The following LAMB3 variants were observed in gnomAD, a reference collection of about 807,000 sequenced individuals.
LAMB3 encodes the protein laminin subunit beta 3.
Under a neutral mutation model 140.3 loss-of-function variants are expected in LAMB3, and 104 were observed. That is an observed-to-expected ratio of 0.74 (90% CI 0.63 to 0.87). The LOEUF (loss-of-function observed/expected upper bound fraction) is 0.87. Ranked by LOEUF, LAMB3 falls within the 40% of genes least tolerant of loss-of-function variation. The pLI is 0.00. For missense variants in LAMB3, 1,531 were observed against 1,575.2 expected (o/e 0.97, Z 0.47); for synonymous variants, 592 against 602.9 (o/e 0.98, Z 0.26).
At chr1:209,646,737 G>T (rs890953026) in intron 3 of LAMB3, among the ~76,000 whole-genome samples, 2 of 152,246 alleles carry the variant, frequency 1.3e-5, no homozygotes, top group African/African-American at 4.8e-5. Flanking sequence ...GAGGCAGGCA[G>T]GAGAGAAGGG....
At position 209,626,869 on chromosome 1, in the gene LAMB3, C is replaced by T. The variant is rs748803172; in HGVS notation, c.1595G>A (p.Arg532Gln). Residue 532 changes from arginine to glutamine, a missense_variant and splice_region_variant, in exon 13 of 23, where the codon CGA (arginine) becomes CAA (glutamine). Coordinates refer to ENST00000356082, the MANE Select transcript of LAMB3 (RefSeq NM_000228.3). ...TCCCCCAGGCTTTGAGCATGCACCT[C>T]GGCATCCTGTGGCCACGTCTCCATA... is the stretch of plus-strand genomic sequence containing the variant. Reference protein sequence around the residue: ...RTYGDVATGCRACDCDFRGTE... With the variant: ...RTYGDVATGCQACDCDFRGTE... 16 of 1,611,920 alleles carry T rather than the reference C, an allele frequency of 9.9e-6. No homozygotes were observed. The highest frequency in any genetic ancestry group is 2.2e-5 in the South Asian group (2 of 91,024).
rs1177719661 is a variant in LAMB3, at chr1:209,626,968, T to C, written c.1496A>G (p.Gln499Arg). The C allele has an allele frequency of 6.2e-7, 1 of 1,610,912 alleles. No homozygotes were observed. The change falls in exon 13 of 23, where the codon CAG becomes CGG. Residue 499 changes from glutamine to arginine, a missense_variant. By Grantham distance (43) the Gln-to-Arg change is conservative. Transcript: ENST00000356082. ...ACCAAAGCCTTCCCGACAGGGGCAC[T>C]GCCCTGTGAACTGCGTGGGGAGAGC... is the stretch of plus-strand genomic sequence containing the variant. Reference protein sequence around the residue: ...LSPQCNQFTGQCPCREGFGGL... With the variant: ...LSPQCNQFTGRCPCREGFGGL...
chr1:209,639,426 C>G (rs191224025), intron 3 of LAMB3, among the ~76,000 whole-genome samples: 33 of 152,274 alleles, frequency 2.2e-4, no homozygotes, highest in African/African-American at 5.5e-4. Context: ...TATTCCCTAC[C>G]TACAGGAGAG....
rs1666041608 is a variant in LAMB3 at position 209,617,989 on chromosome 1, C to G, written c.2969G>C (p.Gly990Ala). The G allele has an allele frequency of 1.4e-5, 23 of 1,614,168 alleles. No individual in the cohort carries two copies. Among genetic ancestry groups the G allele is most frequent in the Non-Finnish European group, 1.8e-5 (21 of 1,180,034 alleles). ...VEDVVGNLRQ[G>A]TVALQEAQDT... ...CTGAGCTTCCTGCAGTGCCACTGTC[C>G]CCTGCCGCAGGTTCCCAACCACATC... Residue 990 changes from glycine (G) to alanine (A), a missense_variant, in exon 20 of 23, where the codon GGG becomes GCG. Coordinates refer to ENST00000356082, the MANE Select transcript of LAMB3 (RefSeq NM_000228.3).
In LAMB3 at chr1:209,622,965, G is replaced by A. The variant is rs377707240; in HGVS notation, c.2556+17C>T. The A allele has an allele frequency of 3.6e-5, 58 of 1,611,702 alleles. No homozygotes were observed. Among genetic ancestry groups the A allele is most frequent in the African/African-American group, 2.3e-4 (17 of 74,922 alleles). On this transcript the variant is annotated intron_variant, in intron 17 of 22. Coordinates refer to ENST00000356082, the MANE Select transcript of LAMB3 (RefSeq NM_000228.3). ...GCCTCCTCCTACCTGTGCCCACCCC[G>A]CCTCGGCTGCACTTACCATCTGCCT...
intron 14 of LAMB3, among the ~76,000 whole-genome samples, chr1:209,625,074 C>T (rs1666380573): frequency 6.6e-6 from 1 of 152,184 alleles, no homozygotes; most frequent in Non-Finnish European, 1.5e-5. Context: ...AGTCACGGAG[C>T]CTCCATTTTC....
rs1558163550 is a variant in LAMB3, at chr1:209,638,547, C to T, written c.285G>A (p.Trp95Ter). ...VASSSGPMRW[W>*]QSQNDVNPVS... ...GCAAATGCTCACCATTCTGTGACTGCCACCAGCGCATGGGGCCGGAGGATG... is the reference window on the plus strand; with the variant it reads ...GCAAATGCTCACCATTCTGTGACTGTCACCAGCGCATGGGGCCGGAGGATG... Residue 95 changes from tryptophan (W) to a stop codon, truncating the protein, a stop_gained, in exon 4 of 23, where the codon TGG (tryptophan) becomes TGA (stop). Transcript: ENST00000356082. LOFTEE classifies it high-confidence loss of function. 3 of 1,609,966 alleles carry T rather than the reference C, an allele frequency of 1.9e-6. No homozygotes were observed. The highest frequency in any genetic ancestry group is 2.6e-6 in the Non-Finnish European group (3 of 1,176,236).
intron 14 of LAMB3, among the ~76,000 whole-genome samples, chr1:209,624,460 C>T (rs141771228): frequency 5.9e-5 from 9 of 152,354 alleles, no homozygotes; most frequent in Non-Finnish European, 1.2e-4. Context: ...CAGAGTCTAC[C>T]TCCCAGGCCC....
At chr1:209,618,684 G>A in intron 18 of LAMB3, 25 bp from the exon 19 acceptor site, 1 of 1,608,592 alleles carries the variant, frequency 6.2e-7, no homozygotes, top group Non-Finnish European at 8.5e-7. Context: ...GCATTTGACT[G>A]TAGGAGCCCA....
At position 209,615,332 on chromosome 1, in the gene LAMB3, C is replaced by A; in HGVS notation, c.3458G>T (p.Arg1153Leu). The A allele has an allele frequency of 6.2e-7, 1 of 1,614,036 alleles. No homozygotes were observed. The highest frequency in any genetic ancestry group is 1.1e-5 in the South Asian group (1 of 91,070). ...GATGTGGTCACGGATCTGCTCCACA[C>A]GCTTCTCCAGTCCTGTCAGGTCCGC... ...RSADLTGLEK[R>L]VEQIRDHING... The change falls in exon 23 of 23, where the codon CGT becomes CTT. Residue 1153 changes from arginine (R) to leucine (L), a missense_variant. Physicochemically the swap from Arg to Leu is moderately radical, Grantham distance 102 (BLOSUM62 -2). Coordinates refer to ENST00000356082, the MANE Select transcript of LAMB3 (RefSeq NM_000228.3).
intron 5 of LAMB3, among the ~76,000 whole-genome samples, 184 bp downstream of exon 5, chr1:209,637,724 A>G (rs1666936950): frequency 6.6e-6 from 1 of 152,204 alleles, no homozygotes; most frequent in Non-Finnish European, 1.5e-5. Context: ...TGCACGGCCA[A>G]GACAGGGAGC....
chr1:209,647,715 C>A (rs1419008611), intron 3 of LAMB3, among the ~76,000 whole-genome samples: 1 of 152,096 alleles, frequency 6.6e-6, no homozygotes, highest in Non-Finnish European at 1.5e-5. Flanking sequence ...GTCCAGTACA[C>A]CCCCTATCTC....
intron 1 of LAMB3, among the ~76,000 whole-genome samples, chr1:209,652,002 G>T (rs1290654252): frequency 1.3e-5 from 2 of 152,076 alleles, no homozygotes; most frequent in Non-Finnish European, 2.9e-5. Context: ...GTGGCCTGGG[G>T]TCCCACAGCT....
Position 209,615,456 on chromosome 1 carries a change from C to T in LAMB3, c.3383-49G>A, listed in dbSNP as rs199633672. ...GGAGGAGGAGTTGATGGTGAGACTC[C>T]CCAAGACTCCCAACCCTTCCTTCCC... is the stretch of plus-strand genomic sequence containing the variant. On this transcript the variant is annotated intron_variant, in intron 22 of 22. Coordinates refer to ENST00000356082, the MANE Select transcript of LAMB3 (RefSeq NM_000228.3). The T allele has an allele frequency of 5.2e-6, 8 of 1,543,182 alleles. No homozygotes were observed. In the East Asian group the frequency reaches 1.6e-4, roughly 31 times the overall value.
At position 209,632,626 on chromosome 1, in the gene LAMB3, G is replaced by C; in HGVS notation, c.779C>G (p.Ala260Gly). 2 of 1,614,176 alleles carry C rather than the reference G, an allele frequency of 1.2e-6. No individual in the cohort carries two copies. Among genetic ancestry groups the C allele is most frequent in the Non-Finnish European group, 1.7e-6 (2 of 1,179,992 alleles). Residue 260 changes from alanine (A) to glycine (G), a missense_variant, in exon 8 of 23, where the codon GCA (alanine) becomes GGA (glycine). Transcript: ENST00000356082. ...CFCHGHADRC[A>G]PKPGASAGPS... Reference sequence around the variant, plus strand: ...GCCTGCAGAGGCCCCAGGCTTGGGTGCGCAGCGATCAGCATGGCCGTGACA... The same window carrying C: ...GCCTGCAGAGGCCCCAGGCTTGGGTCCGCAGCGATCAGCATGGCCGTGACA...
rs183800035 is a variant in LAMB3 at position 209,632,332 on chromosome 1, T to C, written c.822+251A>G. The stretch of plus-strand genomic sequence containing the variant: ...AGGGTTGAGAATCATTGGCTTAAAC[T>C]CCCTCCCAATTTCCACACTTATGTA... On this transcript the variant is annotated intron_variant, in intron 8 of 22. Transcript: ENST00000356082. 1.9e-3 allele frequency among the ~76,000 whole-genome samples: 292 copies of C among 152,230 alleles called. 1 individual carries two copies. The highest frequency in any genetic ancestry group is 0.014 in the Middle Eastern group (4 of 294).
chr1:209,633,133 C>T lies in LAMB3; in HGVS notation c.565G>A (p.Val189Ile). The change falls in exon 7 of 23, where the codon GTC (valine) becomes ATC (isoleucine). Residue 189 changes from valine to isoleucine, a missense_variant and splice_region_variant. Physicochemically the swap from Val to Ile is conservative, Grantham distance 29. Coordinates refer to ENST00000356082, the MANE Select transcript of LAMB3 (RefSeq NM_000228.3). ...ACTAAATCCATAAGGTTAAGTTGGA[C>T]CTACAGAGGGAAGGGAAAGAGAAGC... is the stretch of plus-strand genomic sequence containing the variant. ...RPNARLNGGK[V>I]QLNLMDLVSG... 1 of 1,609,818 alleles carries T rather than the reference C, an allele frequency of 6.2e-7. No homozygotes were observed. Among genetic ancestry groups the T allele is most frequent in the East Asian group, 2.2e-5 (1 of 44,874 alleles).
At chr1:209,642,582 G>A (rs1343159695) in intron 3 of LAMB3, among the ~76,000 whole-genome samples, 4 of 152,142 alleles carry the variant, frequency 2.6e-5, no homozygotes, top group Admixed American at 2.6e-4. Flanking sequence ...AGGCTCAAGC[G>A]ATTCTCCCGC....
chr1:209,632,870 C>T, intron 7 of LAMB3, 94 bp from the exon 8 acceptor site: 1 of 1,284,998 alleles, frequency 7.8e-7, no homozygotes, highest in Non-Finnish European at 1.1e-6. Context: ...ATATGTGATA[C>T]CGTGGGCCAT....
Sources: allele counts gnomAD v4.1 joint callset (sites outside exome capture counted in the v4.1 genomes callset), GRCh38; gene constraint gnomAD v4.1.1; transcripts MANE v1.5; gene names NCBI Gene and HGNC (gene_info 2026-07-23, HGNC 2026-07-21).